The following MICU1 variants were observed in gnomAD, a reference collection of about 807,000 sequenced individuals.
MICU1 encodes calcium uptake protein 1, mitochondrial.
Under a neutral mutation model 56.8 loss-of-function variants are expected in MICU1, and 45 were observed. The observed-to-expected ratio is 0.79, with a 90% CI of 0.62 to 1.02. The LOEUF is 1.02. Ranked by LOEUF, MICU1 falls within the 50% of genes least tolerant of loss-of-function variation. The probability of loss-of-function intolerance (pLI) is 0.00; values close to 1 mark genes in which losing one functional copy is unlikely to be tolerated. For missense variants in MICU1, 504 were observed against 587.1 expected (o/e 0.86, Z 1.46); for synonymous variants, 186 against 195.1 (o/e 0.95, Z 0.39).
chr10:72,463,653 T>G (rs1319535573), intron 8 of MICU1, among the ~76,000 whole-genome samples: 1 of 152,232 alleles, frequency 6.6e-6, no homozygotes, highest in East Asian at 1.9e-4. Flanking sequence ...GCATATATAA[T>G]GGCGTTCCCA....
At chr10:72,587,684 T>C (rs920267067) in intron 1 of MICU1, among the ~76,000 whole-genome samples, 14 of 151,976 alleles carry the variant, frequency 9.2e-5, no homozygotes, top group African/African-American at 3.1e-4. Flanking sequence ...CCTGGGTGTC[T>C]GAGGCATGAG....
chr10:72,536,694 A>G (rs1322588223), intron 4 of MICU1, among the ~76,000 whole-genome samples: 1 of 152,230 alleles, frequency 6.6e-6, no homozygotes, highest in Non-Finnish European at 1.5e-5. Context: ...GAAACAAGTG[A>G]AATTAATTTT....
intron 8 of MICU1, among the ~76,000 whole-genome samples, chr10:72,425,818 T>A (rs1864328201): frequency 6.6e-6 from 1 of 152,152 alleles, no homozygotes; most frequent in South Asian, 2.1e-4. Context: ...TGAACTAATG[T>A]CCTATTTGTT....
chr10:72,534,755 T>C (rs1365012770), intron 4 of MICU1, among the ~76,000 whole-genome samples: 2 of 152,122 alleles, frequency 1.3e-5, no homozygotes, highest in Admixed American at 1.3e-4. Context: ...TATACATTCT[T>C]CTTATCTGAA....
At chr10:72,389,365 C>T (rs187102016) in intron 10 of MICU1, among the ~76,000 whole-genome samples, 1 of 152,266 alleles carries the variant, frequency 6.6e-6, no homozygotes, top group East Asian at 1.9e-4. Flanking sequence ...CCATCCTTGT[C>T]CCTCCAGAGA....
chr10:72,408,708 G>A (rs1311926934), intron 9 of MICU1, among the ~76,000 whole-genome samples: 2 of 152,176 alleles, frequency 1.3e-5, no homozygotes, highest in East Asian at 3.8e-4. Flanking sequence ...TACATCTTAA[G>A]AAGTAAAATC....
intron 6 of MICU1, among the ~76,000 whole-genome samples, chr10:72,502,158 G>GTTTTT: frequency 7.6e-6 from 1 of 131,842 alleles, no homozygotes; most frequent in Non-Finnish European, 1.5e-5. Context: ...TTTTTTTTTT[G>GTTTTT]TTTTTTTTTT....
chr10:72,523,513 G>A (rs1390968529), intron 5 of MICU1, among the ~76,000 whole-genome samples: 1 of 152,080 alleles, frequency 6.6e-6, no homozygotes, highest in Non-Finnish European at 1.5e-5. Flanking sequence ...TGGTAAGAGG[G>A]ACTACCAAAA....
intron 8 of MICU1, among the ~76,000 whole-genome samples, chr10:72,472,106 A>G (rs1030624248): frequency 6.6e-6 from 1 of 152,190 alleles, no homozygotes; most frequent in African/African-American, 2.4e-5. Flanking sequence ...TAATACTTAA[A>G]TGCTATTGGA....
chr10:72,453,426 G>A (rs563163882), intron 8 of MICU1, among the ~76,000 whole-genome samples: 4 of 152,072 alleles, frequency 2.6e-5, no homozygotes, highest in Non-Finnish European at 5.9e-5. Flanking sequence ...AAAGACTCAC[G>A]GGCTCTTTGA....
intron 1 of MICU1, among the ~76,000 whole-genome samples, chr10:72,608,535 T>C (rs756503991): frequency 7.9e-5 from 12 of 152,120 alleles, no homozygotes; most frequent in Non-Finnish European, 1.6e-4. Context: ...TAAAACCAAT[T>C]AAAACCATAA....
intron 6 of MICU1, among the ~76,000 whole-genome samples, chr10:72,480,463 G>A (rs1866258013): frequency 6.6e-6 from 1 of 152,206 alleles, no homozygotes; most frequent in Admixed American, 6.5e-5. Context: ...GGGCATACAA[G>A]TGGCTAGCTG....
At chr10:72,462,952 G>A (rs1865682415) in intron 8 of MICU1, among the ~76,000 whole-genome samples, 1 of 152,078 alleles carries the variant, frequency 6.6e-6, no homozygotes, top group Admixed American at 6.5e-5. Context: ...TCTGATAACA[G>A]GAAAATCCTG....
Position 72,475,535 on chromosome 10 carries a change from T to C in MICU1, c.736-238A>G, listed in dbSNP as rs1476456476. On this transcript the variant is annotated intron_variant, in intron 7 of 11. Transcript: ENST00000361114. ...CCTCCACCTCCCGGGTTCAAGCAAT[T>C]CTCATGCCTCAGCCTCCTGAGTAGC... 2.6e-5 allele frequency among the ~76,000 whole-genome samples: 4 copies of C among 151,980 alleles called. No homozygotes were observed. The East Asian group carries it at 7.7e-4, about 29-fold the overall frequency.
intron 3 of MICU1, among the ~76,000 whole-genome samples, chr10:72,556,414 C>T (rs1014739653): frequency 2.0e-5 from 3 of 152,080 alleles, no homozygotes; most frequent in African/African-American, 7.2e-5. Context: ...AATCTCAGCT[C>T]ACTGCAACCT....
At chr10:72,590,072 A>AT (rs567608553) in intron 1 of MICU1, among the ~76,000 whole-genome samples, 53 of 152,266 alleles carry the variant, frequency 3.5e-4, no homozygotes, top group African/African-American at 1.3e-3. Flanking sequence ...TACTTTAAAT[A>AT]TAAATGGATC....
intron 6 of MICU1, 59 bp from the exon 7 acceptor site, chr10:72,477,315 A>C (rs887750202): frequency 3.7e-5 from 50 of 1,358,198 alleles, no homozygotes; most frequent in African/African-American, 5.9e-5. Flanking sequence ...ATCCCTTTTT[A>C]AAGAAAAACA....
intron 9 of MICU1, among the ~76,000 whole-genome samples, chr10:72,411,331 CTTT>C (rs1170548958): frequency 2.8e-5 from 4 of 142,974 alleles, no homozygotes; most frequent in African/African-American, 2.6e-5. Context: ...TTTTACTTTT[CTTT>C]TTTTTTTTTT....
chr10:72,469,219 G>C (rs1305058319), intron 8 of MICU1, among the ~76,000 whole-genome samples: 1 of 152,188 alleles, frequency 6.6e-6, no homozygotes, highest in Admixed American at 6.5e-5. Flanking sequence ...AAGTTTGACA[G>C]ATAAATAGCA....
Sources: gnomAD v4.1 joint callset for allele counts (sites outside exome capture counted in the v4.1 genomes callset) on GRCh38, gnomAD v4.1.1 for gene constraint, MANE v1.5 for transcripts, NCBI Gene and HGNC (gene_info 2026-07-23, HGNC 2026-07-21) for gene names.